The following ANKRD11 variants were observed in gnomAD, a reference collection of about 807,000 sequenced individuals.
ANKRD11 encodes ankyrin repeat domain 11.
Under a neutral mutation model 195.7 loss-of-function variants are expected in ANKRD11, and 17 were observed. That is an observed-to-expected ratio of 0.09 (90% CI 0.06 to 0.13). The LOEUF (loss-of-function observed/expected upper bound fraction) is 0.13, where lower values mean the gene tolerates loss of function less well. Among genes scored for constraint, ANKRD11 ranks in the 10% least tolerant of loss-of-function variants. The pLI is 1.00. For missense variants in ANKRD11, 3,735 were observed against 3,566.1 expected (o/e 1.05, Z -1.21); for synonymous variants, 1,953 against 1,528.1 (o/e 1.28, Z -6.49).
chr16:89,314,402 GT>G (rs1256212731), intron 3 of ANKRD11, among the ~76,000 whole-genome samples: 1 of 152,178 alleles, frequency 6.6e-6, no homozygotes, highest in Admixed American at 6.5e-5. Context: ...TATCAGGCCA[GT>G]TCATCAAGTC....
chr16:89,338,749 AAG>A, intron 2 of ANKRD11, among the ~76,000 whole-genome samples: 1 of 151,306 alleles, frequency 6.6e-6, no homozygotes, highest in Non-Finnish European at 1.5e-5. Flanking sequence ...AAAAAAAAAA[AAG>A]AGCGAGCTTT....
At chr16:89,315,138 T>C (rs1394526313) in intron 3 of ANKRD11, among the ~76,000 whole-genome samples, 2 of 152,146 alleles carry the variant, frequency 1.3e-5, no homozygotes, top group African/African-American at 4.8e-5. Flanking sequence ...ACGACCTCTT[T>C]GGGAGCCAAT....
chr16:89,292,064 C>T (rs2035096297), intron 4 of ANKRD11, among the ~76,000 whole-genome samples: 3 of 152,218 alleles, frequency 2.0e-5, no homozygotes, highest in Admixed American at 2.0e-4. Context: ...ACCTCTGAAT[C>T]CTCCTCCAGC....
chr16:89,468,600 G>A (rs904065225), intron 1 of ANKRD11, among the ~76,000 whole-genome samples: 1 of 152,198 alleles, frequency 6.6e-6, no homozygotes, highest in Non-Finnish European at 1.5e-5. Context: ...AGCTACTCAG[G>A]AGGCTGAGGC....
intron 1 of ANKRD11, among the ~76,000 whole-genome samples, chr16:89,442,989 A>AT (rs1240189507): frequency 1.3e-5 from 2 of 152,036 alleles, no homozygotes; most frequent in East Asian, 1.9e-4. Flanking sequence ...GAAGTATTTC[A>AT]TTTTTTTCTT....
Position 89,291,543 on chromosome 16 carries a change from G to GA in ANKRD11, c.227-361_227-360insT, listed in dbSNP as rs1330951959. 4.3e-6 allele frequency: 3 copies of GA among 700,648 alleles called. No individual in the cohort carries two copies. Among genetic ancestry groups the GA allele is most frequent in the Non-Finnish European group, 6.8e-6 (3 of 441,236 alleles). 43.4% of individuals were successfully genotyped at this position (700,648 alleles called of 1,614,324 possible). ...TAGCACCGGTGACCTGGCTCACACA[G>GA]GACAGGTCTCTGTTCAATACACGTG... On this transcript the variant is annotated intron_variant, in intron 4 of 12. Coordinates refer to ENST00000301030, the MANE Select transcript of ANKRD11 (RefSeq NM_013275.6). The surrounding 1 kb of genome is among the most constrained non-coding windows in gnomAD (Gnocchi z 5.3).
intron 11 of ANKRD11, chr16:89,272,002 A>C (rs1175826396): frequency 6.6e-6 from 1 of 152,144 alleles, no homozygotes; most frequent in African/African-American, 2.4e-5. Flanking sequence ...CCTGTCACAC[A>C]GATTCTCAAG....
intron 1 of ANKRD11, among the ~76,000 whole-genome samples, chr16:89,438,462 G>A (rs991943770): frequency 5.3e-5 from 8 of 152,014 alleles, no homozygotes; most frequent in African/African-American, 1.9e-4. Flanking sequence ...TGGGACTACT[G>A]GCGTGTGCTA....
At chr16:89,390,985 T>C (rs541867665) in intron 2 of ANKRD11, among the ~76,000 whole-genome samples, 2 of 152,158 alleles carry the variant, frequency 1.3e-5, no homozygotes, top group Non-Finnish European at 2.9e-5. Flanking sequence ...TCACAGCATT[T>C]TGGGAGGCCG....
At chr16:89,414,640 C>T (rs912286560) in intron 2 of ANKRD11, among the ~76,000 whole-genome samples, 8 of 152,292 alleles carry the variant, frequency 5.3e-5, no homozygotes, top group Non-Finnish European at 7.4e-5. Context: ...GACTGAGGCT[C>T]GGAGAGTGGA....
At chr16:89,446,685 G>A (rs1184895921) in intron 1 of ANKRD11, among the ~76,000 whole-genome samples, 1 of 152,168 alleles carries the variant, frequency 6.6e-6, no homozygotes, top group African/African-American at 2.4e-5. Context: ...GAAGCCCTGA[G>A]ATCCTTGTGG....
At chr16:89,288,765 G>C (rs986089789) in intron 6 of ANKRD11, 95 bp from the exon 7 acceptor site, 64 of 1,581,096 alleles carry the variant, frequency 4.0e-5, no homozygotes, top group African/African-American at 9.4e-5. Flanking sequence ...ACAGTGCGGG[G>C]ACAAGCCAGG....
chr16:89,401,669 C>A (rs1207276124), intron 2 of ANKRD11, among the ~76,000 whole-genome samples: 2 of 152,164 alleles, frequency 1.3e-5, no homozygotes, highest in African/African-American at 4.8e-5. Flanking sequence ...AGACGATGGC[C>A]TTCCTGGGAA....
At chr16:89,369,162 C>A (rs1016342590) in intron 2 of ANKRD11, among the ~76,000 whole-genome samples, 1 of 152,180 alleles carries the variant, frequency 6.6e-6, no homozygotes, top group African/African-American at 2.4e-5. Flanking sequence ...AGCATAAGCA[C>A]CCCAAACCCA....
chr16:89,353,863 C>T (rs1001093321), intron 2 of ANKRD11, among the ~76,000 whole-genome samples: 1 of 152,166 alleles, frequency 6.6e-6, no homozygotes. Flanking sequence ...CTGAGACACC[C>T]GAAACAAGAC....
chr16:89,331,813 C>A (rs1479786027), intron 2 of ANKRD11, among the ~76,000 whole-genome samples: 2 of 152,142 alleles, frequency 1.3e-5, no homozygotes. Flanking sequence ...TTCATTTAGT[C>A]TAAGATACGG....
At chr16:89,429,186 A>G (rs58392900) in intron 1 of ANKRD11, among the ~76,000 whole-genome samples, 6,891 of 58,812 alleles carry the variant, frequency 0.12, 349 homozygotes, top group Middle Eastern at 0.17. Context: ...CTCAACTCTC[A>G]CGCTCAGACG....
chr16:89,469,826 G>A (rs2057012969), intron 1 of ANKRD11, among the ~76,000 whole-genome samples: 1 of 446 alleles, frequency 2.2e-3, no homozygotes, highest in African/African-American at 0.011. Context: ...GTGAACCCGG[G>A]AGCGGCAGTT....
chr16:89,327,747 G>T (rs1474107226), intron 2 of ANKRD11, among the ~76,000 whole-genome samples: 2 of 152,064 alleles, frequency 1.3e-5, no homozygotes, highest in African/African-American at 2.4e-5. Flanking sequence ...AAAAATAAAT[G>T]CTTAGGTTCA....
Sources: gnomAD v4.1 joint callset for allele counts (sites outside exome capture counted in the v4.1 genomes callset) on GRCh38, gnomAD v4.1.1 for gene constraint, Gnocchi (gnomAD v3.1) non-coding constraint, MANE v1.5 for transcripts, NCBI Gene and HGNC (gene_info 2026-07-23, HGNC 2026-07-21) for gene names.